GNAT3: variants seen among roughly 807,000 people sequenced by gnomAD.
The protein encoded by GNAT3 is G protein subunit alpha transducin 3.
A neutral mutation model predicts 37.7 loss-of-function variants in GNAT3; 31 were observed. The ratio of observed to expected loss-of-function variants is 0.82; its 90% CI spans 0.62 to 1.11. The LOEUF is 1.11. Among genes scored for constraint, GNAT3 ranks in the 50% most tolerant of loss-of-function variants. The probability of loss-of-function intolerance (pLI) is 0.00; values close to 1 mark genes in which losing one functional copy is unlikely to be tolerated. For synonymous variants in GNAT3, 138 were observed against 139.8 expected (o/e 0.99, Z 0.09); for missense variants, 437 against 412.5 (o/e 1.06, Z -0.51).
At chr7:80,501,844 A>G (rs1446159452) in intron 1 of GNAT3, among the ~76,000 whole-genome samples, 1 of 152,136 alleles carries the variant, frequency 6.6e-6, no homozygotes, top group Non-Finnish European at 1.5e-5. Context: ...ATATACTTAT[A>G]TGACTACAAG....
Position 80,462,644 on chromosome 7 carries a change from A to G in GNAT3, c.591-13T>C. On this transcript the variant is annotated splice_polypyrimidine_tract_variant and intron_variant, in intron 5 of 7. Transcript: ENST00000398291. ...TACATCAAACATCCTTTAAGAAAAC[A>G]TCAAATGAATAATAAATCTTGCAAA... 6.2e-7 allele frequency: 1 copy of G among 1,604,158 alleles called. No homozygotes were observed. Among genetic ancestry groups the G allele is most frequent in the East Asian group, 2.2e-5 (1 of 44,708 alleles).
chr7:80,469,593 T>A (rs1360603028), intron 5 of GNAT3, among the ~76,000 whole-genome samples: 1 of 152,190 alleles, frequency 6.6e-6, no homozygotes. Context: ...TTGGCAGAGA[T>A]AATTTTTCAT....
chr7:80,494,943 T>A, intron 1 of GNAT3, among the ~76,000 whole-genome samples: 1 of 152,172 alleles, frequency 6.6e-6, no homozygotes. Context: ...TGTCCATGTG[T>A]GTGCACTGTT....
At chr7:80,506,358 C>T (rs558613127) in intron 1 of GNAT3, among the ~76,000 whole-genome samples, 3 of 152,154 alleles carry the variant, frequency 2.0e-5, no homozygotes, top group East Asian at 1.9e-4. Context: ...GCCTTACGAG[C>T]CTGCTTTTAA....
chr7:80,474,143 C>T, intron 5 of GNAT3, 108 bp downstream of exon 5: 1 of 1,045,810 alleles, frequency 9.6e-7, no homozygotes, highest in South Asian at 1.4e-5. Context: ...CTAGTGAGTA[C>T]ATCCAAGGAT....
intron 3 of GNAT3, among the ~76,000 whole-genome samples, chr7:80,482,684 T>C (rs55910737): frequency 0.064 from 8,503 of 133,838 alleles, 337 homozygotes; most frequent in African/African-American, 0.13. Context: ...CAGCTAATTT[T>C]TGTAATTTTT....
intron 4 of GNAT3, among the ~76,000 whole-genome samples, chr7:80,477,492 A>G (rs1406241441): frequency 6.6e-6 from 1 of 152,136 alleles, no homozygotes; most frequent in African/African-American, 2.4e-5. Context: ...GAGAGCTAGG[A>G]AAAACTCCTC....
At chr7:80,502,232 A>G (rs768919635) in intron 1 of GNAT3, among the ~76,000 whole-genome samples, 1 of 152,098 alleles carries the variant, frequency 6.6e-6, no homozygotes, top group African/African-American at 2.4e-5. Flanking sequence ...CTTATCTCCA[A>G]GCTCATCAAG....
intron 5 of GNAT3, among the ~76,000 whole-genome samples, chr7:80,467,292 C>T (rs1450119542): frequency 1.3e-5 from 2 of 152,074 alleles, no homozygotes; most frequent in East Asian, 1.9e-4. Flanking sequence ...TGCTTATAAT[C>T]GTCTCATTTT....
chr7:80,476,010 G>A (rs1309583394), intron 4 of GNAT3, among the ~76,000 whole-genome samples: 1 of 151,974 alleles, frequency 6.6e-6, no homozygotes, highest in Non-Finnish European at 1.5e-5. Context: ...ATCCCTTTGT[G>A]AATTTTCTAT....
At chr7:80,503,269 T>C (rs1392952390) in intron 1 of GNAT3, among the ~76,000 whole-genome samples, 2 of 152,172 alleles carry the variant, frequency 1.3e-5, no homozygotes, top group Admixed American at 6.5e-5. Context: ...CATTCTTCCA[T>C]TCACCATACA....
At chr7:80,495,256 A>G (rs1790694409) in intron 1 of GNAT3, among the ~76,000 whole-genome samples, 1 of 152,102 alleles carries the variant, frequency 6.6e-6, no homozygotes, top group Admixed American at 6.6e-5. Flanking sequence ...CTGTAGTGGG[A>G]TGGCTGGACC....
At chr7:80,503,110 TATC>T (rs1790867836) in intron 1 of GNAT3, among the ~76,000 whole-genome samples, 1 of 152,284 alleles carries the variant, frequency 6.6e-6, no homozygotes, top group Non-Finnish European at 1.5e-5. Flanking sequence ...AACCTATCAA[TATC>T]ATCTTATTGA....
At chr7:80,484,134 AAT>A (rs1460813796) in intron 3 of GNAT3, among the ~76,000 whole-genome samples, 1 of 152,078 alleles carries the variant, frequency 6.6e-6, no homozygotes, top group African/African-American at 2.4e-5. Flanking sequence ...TAGAAAATAA[AAT>A]ATGTGTTTTC....
rs1443097194 is a variant in GNAT3 at position 80,458,904 on chromosome 7, G to A, written c.875-43C>T. The A allele has an allele frequency of 2.3e-6, 3 of 1,300,474 alleles. No homozygotes were observed. In the South Asian group the frequency reaches 4.2e-5, roughly 18 times the overall value. 80.6% of individuals were successfully genotyped at this position (1,300,474 alleles called of 1,614,324 possible). A position where few individuals can be genotyped will look rare whatever the true frequency, so the allele number is the denominator to read the frequency against. On this transcript the variant is annotated intron_variant, in intron 7 of 7. Coordinates refer to ENST00000398291, the MANE Select transcript of GNAT3 (RefSeq NM_001102386.3). The stretch of plus-strand genomic sequence containing the variant: ...TTGAAGAAGTAAAGATTAATCATAT[G>A]TTACAAAGAATAGGCTATAAATAAT...
intron 2 of GNAT3, among the ~76,000 whole-genome samples, chr7:80,493,402 G>A (rs1423687813): frequency 6.6e-6 from 1 of 152,116 alleles, no homozygotes; most frequent in East Asian, 1.9e-4. Flanking sequence ...TTGCAGATAA[G>A]TGAAGCTTAA....
At chr7:80,496,986 G>A (rs1048156279) in intron 1 of GNAT3, among the ~76,000 whole-genome samples, 1 of 152,030 alleles carries the variant, frequency 6.6e-6, no homozygotes, top group Admixed American at 6.6e-5. Flanking sequence ...TCATTTTCTG[G>A]TGGTGATATA....
At chr7:80,505,215 G>C (rs1013040431) in intron 1 of GNAT3, among the ~76,000 whole-genome samples, 1 of 152,158 alleles carries the variant, frequency 6.6e-6, no homozygotes, top group Non-Finnish European at 1.5e-5. Context: ...TTACGGAGGT[G>C]AAATACTCCT....
At chr7:80,462,672 T>A in intron 5 of GNAT3, 41 bp from the exon 6 acceptor site, 1 of 1,548,612 alleles carries the variant, frequency 6.5e-7, no homozygotes, top group South Asian at 1.2e-5. Flanking sequence ...CTTGCAAATA[T>A]CCTCCAAAAT....
Sources: gnomAD v4.1 joint callset for allele counts (sites outside exome capture counted in the v4.1 genomes callset) on GRCh38, gnomAD v4.1.1 for gene constraint, MANE v1.5 for transcripts, NCBI Gene and HGNC (gene_info 2026-07-23, HGNC 2026-07-21) for gene names.